The following COL4A6 variants were observed in gnomAD, a reference collection of about 807,000 sequenced individuals.
COL4A6 encodes the protein collagen alpha-6(IV) chain.
COL4A6 carries 59 observed loss-of-function variants against 126.7 expected under a neutral mutation model. The ratio of observed to expected loss-of-function variants is 0.47; its 90% CI spans 0.38 to 0.58. COL4A6 has a LOEUF of 0.58. COL4A6 is among the 20% of genes least tolerant of loss of function. COL4A6 has a pLI of 0.00. For synonymous variants in COL4A6, 547 were observed against 496.6 expected (o/e 1.10, Z -1.35); for missense variants, 1,285 against 1,337.3 (o/e 0.96, Z 0.61).
intron 32 of COL4A6, 95 bp from the exon 33 acceptor site, chrX:108,171,556 C>A: frequency 1.4e-6 from 1 of 735,563 alleles, no homozygotes; most frequent in South Asian, 2.7e-5. Flanking sequence ...TTTTCAGATT[C>A]AGTGTAGCCA....
At chrX:108,357,135 A>T (rs1603153062) in intron 2 of COL4A6, among the ~76,000 whole-genome samples, 1 of 111,976 alleles carries the variant, frequency 8.9e-6, no homozygotes, top group East Asian at 2.8e-4. Flanking sequence ...CAAACAGACA[A>T]ATATAGATAA....
chrX:108,158,663 T>C (rs2033816169), intron 44 of COL4A6, among the ~76,000 whole-genome samples: 1 of 111,766 alleles, frequency 8.9e-6, no homozygotes, highest in Non-Finnish European at 1.9e-5. Flanking sequence ...CCCAGGTAGG[T>C]ACGCTAATGT....
intron 2 of COL4A6, among the ~76,000 whole-genome samples, chrX:108,434,309 T>G (rs2064225070): frequency 9.0e-6 from 1 of 110,638 alleles, no homozygotes. Flanking sequence ...TTTTTCCTTT[T>G]GAGACAGGGT....
At chrX:108,421,816 A>G (rs1412102043) in intron 2 of COL4A6, among the ~76,000 whole-genome samples, 2 of 111,835 alleles carry the variant, frequency 1.8e-5, no homozygotes, top group Non-Finnish European at 3.8e-5. Flanking sequence ...AGGCGGGGCC[A>G]TGGAAGTGGT....
chrX:108,283,159 A>T (rs1603007047), intron 3 of COL4A6, among the ~76,000 whole-genome samples: 1 of 110,516 alleles, frequency 9.0e-6, no homozygotes, highest in South Asian at 3.9e-4. Flanking sequence ...ATAATAAAAT[A>T]AAATAAAAAA....
In COL4A6 at chrX:108,231,902, TGG is replaced by T. The variant is rs1391874332; in HGVS notation, c.145-10530_145-10529del. The stretch of plus-strand genomic sequence containing the variant: ...ATGGCACTCCCTAGAACTTAAAAGA[TGG>T]GGGATTTCTTCTGGTTCCACAATTA... On this transcript the variant is annotated intron_variant, in intron 3 of 44. Transcript: ENST00000334504. 4.5e-5 allele frequency among the ~76,000 whole-genome samples: 5 copies of T among 111,947 alleles called. No individual in the cohort carries two copies. In the Admixed American group the frequency reaches 4.7e-4, roughly 11 times the overall value.
At chrX:108,378,322 A>G (rs1241375984) in intron 2 of COL4A6, among the ~76,000 whole-genome samples, 1 of 111,579 alleles carries the variant, frequency 9.0e-6, no homozygotes, top group African/African-American at 3.3e-5. Context: ...AACCTTTGAT[A>G]TGTTAATACG....
intron 40 of COL4A6, 81 bp from the exon 41 acceptor site, chrX:108,163,119 C>T: frequency 1.1e-6 from 1 of 914,532 alleles, no homozygotes; most frequent in South Asian, 2.3e-5. Context: ...TCTTTACTAA[C>T]TTGCAATCAA....
intron 2 of COL4A6, among the ~76,000 whole-genome samples, chrX:108,414,394 C>T (rs1407468232): frequency 9.0e-6 from 1 of 111,216 alleles, no homozygotes; most frequent in Admixed American, 9.6e-5. Flanking sequence ...GGTTGTATTT[C>T]ACCATACCAA....
intron 13 of COL4A6, 34 bp downstream of exon 13, chrX:108,202,894 C>G (rs372173192): frequency 1.2e-5 from 14 of 1,155,396 alleles, no homozygotes; most frequent in Admixed American, 2.2e-5. Flanking sequence ...CAATCAGACC[C>G]TTGTATACAT....
At chrX:108,372,180 T>C (rs1274814974) in intron 2 of COL4A6, among the ~76,000 whole-genome samples, 1 of 111,250 alleles carries the variant, frequency 9.0e-6, no homozygotes, top group Non-Finnish European at 1.9e-5. Context: ...GCCCCTCTTT[T>C]CAATGGGGCA....
chrX:108,170,932 A>G lies in COL4A6; in HGVS notation c.3278-15T>C, dbSNP rs1480127716. 2.6e-6 allele frequency: 3 copies of G among 1,169,899 alleles called. No individual in the cohort carries two copies. The African/African-American group carries it at 5.3e-5, about 21-fold the overall frequency. ...TCCTTTTGTGCCTATAAAACCAAGA[A>G]AAATGCTGAGTGATTAGGCCATATT... is the stretch of plus-strand genomic sequence containing the variant. On this transcript the variant is annotated splice_polypyrimidine_tract_variant and intron_variant, in intron 33 of 44. Coordinates refer to ENST00000334504, the MANE Select transcript of COL4A6 (RefSeq NM_033641.4).
chrX:108,291,874 C>A (rs1603026159), intron 3 of COL4A6, among the ~76,000 whole-genome samples: 1 of 111,817 alleles, frequency 8.9e-6, no homozygotes, highest in Non-Finnish European at 1.9e-5. Flanking sequence ...TCTAAGAAGG[C>A]AAACAAAATT....
intron 13 of COL4A6, among the ~76,000 whole-genome samples, chrX:108,200,624 G>A (rs2035362912): frequency 9.0e-6 from 1 of 111,672 alleles, no homozygotes; most frequent in Non-Finnish European, 1.9e-5. Context: ...GGGAGAGATG[G>A]AGAGAGGTTG....
Position 108,157,112 on chromosome X carries a change from G to T in COL4A6, c.4961C>A (p.Thr1654Asn). 8.3e-7 allele frequency: 1 copy of T among 1,212,021 alleles called. No homozygotes were observed. The highest frequency in any genetic ancestry group is 1.8e-5 in the South Asian group (1 of 57,003). Reference sequence around the variant, plus strand: ...AAACTGCTGCCTCTCCTCCACTGTGGTCAACCAGAAACTGTACTTGTTTGC... The same window carrying T: ...AAACTGCTGCCTCTCCTCCACTGTGTTCAACCAGAAACTGTACTTGTTTGC... ...YFANKYSFWL[T>N]TVEERQQFGE... Residue 1654 changes from threonine to asparagine, a missense_variant, in exon 45 of 45, where the codon ACC becomes AAC. Thr to Asn is a moderately conservative substitution (Grantham distance 65, BLOSUM62 0). Coordinates refer to ENST00000334504, the MANE Select transcript of COL4A6 (RefSeq NM_033641.4).
chrX:108,430,846 T>C (rs2064164634), intron 2 of COL4A6, among the ~76,000 whole-genome samples: 1 of 111,650 alleles, frequency 9.0e-6, no homozygotes, highest in Non-Finnish European at 1.9e-5. Flanking sequence ...GCAATAAAAA[T>C]AATAATAGCT....
intron 2 of COL4A6, among the ~76,000 whole-genome samples, chrX:108,429,710 CAGAA>C (rs2064145971): frequency 9.0e-6 from 1 of 111,642 alleles, no homozygotes; most frequent in Non-Finnish European, 1.9e-5. Context: ...AATTAAATCT[CAGAA>C]AGGTAAAACG....
chrX:108,403,584 T>C (rs1695291557), intron 2 of COL4A6, among the ~76,000 whole-genome samples: 1 of 111,240 alleles, frequency 9.0e-6, no homozygotes, highest in South Asian at 3.7e-4. Flanking sequence ...ATTTCTTATT[T>C]TAATAAATGC....
chrX:108,189,717 C>T (rs777731971), intron 20 of COL4A6, among the ~76,000 whole-genome samples: 4 of 112,304 alleles, frequency 3.6e-5, no homozygotes, highest in Non-Finnish European at 5.6e-5. Context: ...TAGGTAATGA[C>T]ATTTTATGAT....
Sources: gnomAD v4.1 joint callset for allele counts (sites outside exome capture counted in the v4.1 genomes callset) on GRCh38, gnomAD v4.1.1 for gene constraint, MANE v1.5 for transcripts, NCBI Gene and HGNC (gene_info 2026-07-23, HGNC 2026-07-21) for gene names.